Variants in FSTL5 observed in about 807,000 individuals in gnomAD.
FSTL5 encodes follistatin-related protein 5.
A neutral mutation model predicts 89.1 loss-of-function variants in FSTL5; 62 were observed. The observed-to-expected ratio is 0.70, with a 90% CI of 0.57 to 0.86. FSTL5 has a LOEUF of 0.86. FSTL5 is among the 40% of genes least tolerant of loss of function. The pLI is 0.00. For synonymous variants in FSTL5, 383 were observed against 346.2 expected (o/e 1.11, Z -1.18); for missense variants, 1,057 against 1,001.6 (o/e 1.06, Z -0.75).
chr4:161,689,883 A>G (rs1042428960), intron 6 of FSTL5, among the ~76,000 whole-genome samples: 1 of 152,188 alleles, frequency 6.6e-6, no homozygotes, highest in African/African-American at 2.4e-5. Context: ...GATATTCCAT[A>G]TAAAAGAAAT....
intron 4 of FSTL5, among the ~76,000 whole-genome samples, chr4:161,792,019 C>T (rs1450338197): frequency 6.6e-6 from 1 of 152,144 alleles, no homozygotes; most frequent in Non-Finnish European, 1.5e-5. Context: ...GCTACAGTCA[C>T]CCAGCTGCAG....
At chr4:161,656,088 C>G (rs1736503218) in intron 7 of FSTL5, among the ~76,000 whole-genome samples, 1 of 151,904 alleles carries the variant, frequency 6.6e-6, no homozygotes, top group Admixed American at 6.6e-5. Context: ...GATTTTGAAC[C>G]AATTTATTTT....
intron 7 of FSTL5, among the ~76,000 whole-genome samples, chr4:161,618,396 T>C (rs1361566548): frequency 7.4e-6 from 1 of 134,488 alleles, no homozygotes; most frequent in Non-Finnish European, 1.6e-5. Flanking sequence ...ATCCCTGTCT[T>C]GTGCCAGTTT....
At chr4:161,946,941 T>G (rs1734752119) in intron 3 of FSTL5, among the ~76,000 whole-genome samples, 4 of 152,184 alleles carry the variant, frequency 2.6e-5, no homozygotes, top group Non-Finnish European at 5.9e-5. Context: ...GGTATCTTAC[T>G]GTTGTGTTAA....
intron 3 of FSTL5, among the ~76,000 whole-genome samples, chr4:162,027,852 T>C (rs1737358035): frequency 6.8e-6 from 1 of 147,392 alleles, no homozygotes; most frequent in South Asian, 2.2e-4. Flanking sequence ...GTAATACTCA[T>C]GAGAGTGCAT....
intron 3 of FSTL5, among the ~76,000 whole-genome samples, chr4:162,024,849 G>C (rs1737221050): frequency 1.3e-5 from 2 of 151,744 alleles, no homozygotes; most frequent in Non-Finnish European, 2.9e-5. Flanking sequence ...TAGAGGCAGG[G>C]TCTCACTATG....
intron 3 of FSTL5, among the ~76,000 whole-genome samples, chr4:161,976,065 C>A (rs1284091791): frequency 5.4e-5 from 8 of 147,652 alleles, no homozygotes; most frequent in African/African-American, 1.8e-4. Flanking sequence ...TTGCAGTGAG[C>A]CGAGATCGCG....
intron 10 of FSTL5, among the ~76,000 whole-genome samples, chr4:161,523,633 A>G (rs1001325405): frequency 6.6e-6 from 1 of 152,196 alleles, no homozygotes; most frequent in Non-Finnish European, 1.5e-5. Flanking sequence ...GGATAAAGGA[A>G]GATAATTGAA....
chr4:161,807,866 T>C (rs78270876), intron 4 of FSTL5, among the ~76,000 whole-genome samples: 7,863 of 152,088 alleles, frequency 0.052, 274 homozygotes, highest in Middle Eastern at 0.1. Context: ...ACAGGAAAAA[T>C]AGTGTTTGAA....
chr4:161,386,538 G>C, intron 15 of FSTL5, 89 bp from the exon 16 acceptor site: 1 of 844,382 alleles, frequency 1.2e-6, no homozygotes, highest in Non-Finnish European at 1.8e-6. Context: ...AAGGTCCATC[G>C]CAGGCTCTAA....
chr4:162,012,529 TC>T (rs1267020715), intron 3 of FSTL5, among the ~76,000 whole-genome samples: 10 of 152,308 alleles, frequency 6.6e-5, no homozygotes, highest in South Asian at 2.1e-4. Flanking sequence ...TCCTAGTATT[TC>T]TTCAATTAAT....
intron 5 of FSTL5, among the ~76,000 whole-genome samples, chr4:161,766,463 A>G (rs1014753128): frequency 1.3e-5 from 2 of 152,180 alleles, no homozygotes; most frequent in South Asian, 4.1e-4. Flanking sequence ...ATGCATTTGT[A>G]TTTCATACCG....
chr4:161,406,990 T>A (rs942522516), intron 15 of FSTL5, among the ~76,000 whole-genome samples: 1 of 152,202 alleles, frequency 6.6e-6, no homozygotes, highest in African/African-American at 2.4e-5. Context: ...TCATTTTTGT[T>A]CCTCCTTTCT....
intron 1 of FSTL5, among the ~76,000 whole-genome samples, chr4:162,138,892 T>C (rs930574572): frequency 6.6e-6 from 1 of 152,010 alleles, no homozygotes; most frequent in Admixed American, 6.5e-5. Context: ...CAATAAAAAA[T>C]ATGTAGAAGC....
chr4:161,781,757 T>A (rs1741678250), intron 4 of FSTL5, among the ~76,000 whole-genome samples: 1 of 152,212 alleles, frequency 6.6e-6, no homozygotes, highest in Non-Finnish European at 1.5e-5. Context: ...TAGTTTAACT[T>A]ATGCTACTTT....
intron 15 of FSTL5, among the ~76,000 whole-genome samples, chr4:161,450,561 T>C (rs758850909): frequency 1.3e-5 from 2 of 152,196 alleles, no homozygotes; most frequent in Admixed American, 6.5e-5. Context: ...TGTAATGATA[T>C]TGTAATTTCA....
rs138828802 is a variant in FSTL5 at position 161,892,160 on chromosome 4, C to A, written c.409+28244G>T. 5.5e-4 allele frequency among the ~76,000 whole-genome samples: 84 copies of A among 152,064 alleles called. 1 individual carries two copies. The East Asian group carries it at 0.015, about 27-fold the overall frequency. ...GAAATAAATCATTGTGATCTCATTT[C>A]AATAATATCATTCTTTGAACAACTA... On this transcript the variant is annotated intron_variant, in intron 4 of 15. Transcript: ENST00000306100.
At chr4:161,748,795 C>G (rs1740292119) in intron 6 of FSTL5, among the ~76,000 whole-genome samples, 1 of 151,594 alleles carries the variant, frequency 6.6e-6, no homozygotes, top group Non-Finnish European at 1.5e-5. Flanking sequence ...ATTAAATGAC[C>G]ATCAATAAGG....
At chr4:161,695,903 G>C (rs1738145453) in intron 6 of FSTL5, among the ~76,000 whole-genome samples, 1 of 152,026 alleles carries the variant, frequency 6.6e-6, no homozygotes, top group Non-Finnish European at 1.5e-5. Flanking sequence ...TTCCCATCCT[G>C]TGGGTTGTCT....
Sources: gnomAD v4.1 joint callset for allele counts (sites outside exome capture counted in the v4.1 genomes callset) on GRCh38, gnomAD v4.1.1 for gene constraint, MANE v1.5 for transcripts, NCBI Gene and HGNC (gene_info 2026-07-23, HGNC 2026-07-21) for gene names.